Variants in TSHZ2 observed in about 807,000 individuals in gnomAD.
TSHZ2 encodes the protein teashirt zinc finger homeobox 2.
In TSHZ2, 21 loss-of-function variants were observed where a neutral mutation model predicts 74.4. That is an observed-to-expected ratio of 0.28 (90% CI 0.20 to 0.41). TSHZ2 has a LOEUF of 0.41. Ranked by LOEUF, TSHZ2 falls within the 10% of genes least tolerant of loss-of-function variation. The probability of loss-of-function intolerance (pLI) is 1.00; values close to 1 mark genes in which losing one functional copy is unlikely to be tolerated. For synonymous variants in TSHZ2, 540 were observed against 515.3 expected (o/e 1.05, Z -0.65); for missense variants, 1,244 against 1,293.5 (o/e 0.96, Z 0.59).
intron 1 of TSHZ2, among the ~76,000 whole-genome samples, chr20:53,221,017 G>A (rs1460622712): frequency 3.3e-5 from 5 of 152,150 alleles, no homozygotes; most frequent in South Asian, 2.1e-4. Flanking sequence ...TAATTCCCAC[G>A]TGTTGTGGGA....
At chr20:53,259,323 G>C (rs1015427904) in intron 2 of TSHZ2, among the ~76,000 whole-genome samples, 1 of 152,170 alleles carries the variant, frequency 6.6e-6, no homozygotes, top group Non-Finnish European at 1.5e-5. Context: ...TCCTTTACCA[G>C]ATATATCTTA....
intron 1 of TSHZ2, among the ~76,000 whole-genome samples, chr20:53,175,826 T>C (rs1392243995): frequency 6.6e-6 from 1 of 152,240 alleles, no homozygotes; most frequent in Non-Finnish European, 1.5e-5. Context: ...CCCCCAACCT[T>C]TGTTGCATTC....
intron 1 of TSHZ2, among the ~76,000 whole-genome samples, chr20:53,084,598 C>CTTT (rs1555823123): frequency 6.8e-6 from 1 of 146,232 alleles, no homozygotes; most frequent in African/African-American, 2.5e-5. Context: ...ATCCTTTCCT[C>CTTT]TGTTTTTCTT....
Position 53,255,590 on chromosome 20 carries a change from A to G in TSHZ2, c.2132A>G (p.Glu711Gly), listed in dbSNP as rs1990451841. ...AACAATCACTTGGGCAAAGCCACGGAGCCCTTGCGCTCACCTTCCTGCTCC... is the reference window on the plus strand; with the variant it reads ...AACAATCACTTGGGCAAAGCCACGGGGCCCTTGCGCTCACCTTCCTGCTCC... Reference protein sequence around the residue: ...VLNNHLGKATEPLRSPSCSSP... With the variant: ...VLNNHLGKATGPLRSPSCSSP... Residue 711 changes from glutamate (E) to glycine (G), a missense_variant, in exon 2 of 3, where the codon GAG becomes GGG. Around this residue, in one of 6 missense-constraint regions of TSHZ2, gnomAD observed 562 missense variants for 544.0 expected, o/e 1.03. Coordinates refer to ENST00000371497, the MANE Select transcript of TSHZ2 (RefSeq NM_173485.6). The surrounding 1 kb of genome is among the most constrained non-coding windows in gnomAD (Gnocchi z 4.1). 2 of 1,583,234 alleles carry G rather than the reference A, an allele frequency of 1.3e-6. No homozygotes were observed. Among genetic ancestry groups the G allele is most frequent in the East Asian group, 2.2e-5 (1 of 44,636 alleles).
At chr20:53,062,024 T>TA (rs980661076) in intron 1 of TSHZ2, among the ~76,000 whole-genome samples, 8 of 152,256 alleles carry the variant, frequency 5.3e-5, no homozygotes, top group African/African-American at 1.7e-4. Context: ...AGGCTTTCTT[T>TA]AAAAAAAGTA....
intron 1 of TSHZ2, among the ~76,000 whole-genome samples, chr20:53,149,351 G>A (rs985279528): frequency 6.6e-6 from 1 of 152,036 alleles, no homozygotes; most frequent in Non-Finnish European, 1.5e-5. Flanking sequence ...CTCAGTGTCT[G>A]CCAGATCATT....
At chr20:53,065,940 T>TG (rs564393414) in intron 1 of TSHZ2, among the ~76,000 whole-genome samples, 1 of 152,220 alleles carries the variant, frequency 6.6e-6, no homozygotes, top group Non-Finnish European at 1.5e-5. Context: ...TCCAAGAATC[T>TG]GGGGGTCATA....
chr20:53,222,193 C>T (rs1989580074), intron 1 of TSHZ2, among the ~76,000 whole-genome samples: 2 of 152,180 alleles, frequency 1.3e-5, no homozygotes, highest in Non-Finnish European at 2.9e-5. Flanking sequence ...CTCTACCCCT[C>T]CTCCCCACAA....
At chr20:53,210,113 G>T (rs999833165) in intron 1 of TSHZ2, among the ~76,000 whole-genome samples, 2 of 152,238 alleles carry the variant, frequency 1.3e-5, no homozygotes, top group African/African-American at 4.8e-5. Context: ...TTGCCTGTTG[G>T]GTCGTTGCCA....
At chr20:53,147,348 A>G (rs576124073) in intron 1 of TSHZ2, among the ~76,000 whole-genome samples, 2 of 152,288 alleles carry the variant, frequency 1.3e-5, no homozygotes, top group Admixed American at 1.3e-4. Flanking sequence ...TGTCTTTAAT[A>G]TCTCTGTATA....
chr20:53,186,161 T>C (rs2082414694), intron 1 of TSHZ2, among the ~76,000 whole-genome samples: 2 of 152,244 alleles, frequency 1.3e-5, no homozygotes, highest in Non-Finnish European at 1.5e-5. Flanking sequence ...GCTTGTGTTG[T>C]CCAGCTGTTG....
At position 53,127,377 on chromosome 20, in the gene TSHZ2, A is replaced by G. The variant is rs138165586; in HGVS notation, c.41-126122A>G. Reference sequence around the variant, plus strand: ...GTATTATAAAGAAAACAAACAAAAAATAAAAACATTGTAACAAGGGAGAGG... The same window carrying G: ...GTATTATAAAGAAAACAAACAAAAAGTAAAAACATTGTAACAAGGGAGAGG... On this transcript the variant is annotated intron_variant, in intron 1 of 2. Coordinates refer to ENST00000371497, the MANE Select transcript of TSHZ2 (RefSeq NM_173485.6). Among the ~76,000 whole-genome samples, 510 of 152,372 alleles carry G rather than the reference A, an allele frequency of 3.3e-3. 4 individuals carry two copies. Among genetic ancestry groups the G allele is most frequent in the African/African-American group, 0.011 (476 of 41,592 alleles).
intron 1 of TSHZ2, among the ~76,000 whole-genome samples, chr20:53,175,620 C>T (rs1202418896): frequency 6.6e-6 from 1 of 152,202 alleles, no homozygotes; most frequent in Non-Finnish European, 1.5e-5. Flanking sequence ...TCAGTCTTCT[C>T]ATCTGTCTCC....
At chr20:53,103,231 CAT>C (rs1986269006) in intron 1 of TSHZ2, among the ~76,000 whole-genome samples, 1 of 152,092 alleles carries the variant, frequency 6.6e-6, no homozygotes, top group East Asian at 1.9e-4. Context: ...ATTGAAAAAA[CAT>C]AATCTTTTGT....
intron 1 of TSHZ2, among the ~76,000 whole-genome samples, chr20:53,031,045 G>A (rs1047183541): frequency 6.6e-6 from 1 of 152,028 alleles, no homozygotes; most frequent in Non-Finnish European, 1.5e-5. Context: ...ACAACACTGA[G>A]ATGAACATCC....
chr20:53,353,272 G>A (rs1224677213), intron 2 of TSHZ2, among the ~76,000 whole-genome samples: 4 of 152,036 alleles, frequency 2.6e-5, no homozygotes, highest in African/African-American at 7.2e-5. Context: ...GAGTGTGAGC[G>A]GGTTGCTGAT....
intron 1 of TSHZ2, among the ~76,000 whole-genome samples, chr20:53,252,307 T>C (rs1421708431): frequency 1.3e-5 from 2 of 152,206 alleles, no homozygotes; most frequent in Non-Finnish European, 2.9e-5. Flanking sequence ...TAACAGAGCC[T>C]GCTCTAAGGT....
intron 1 of TSHZ2, among the ~76,000 whole-genome samples, chr20:53,050,103 G>A (rs59413742): frequency 0.18 from 20,873 of 115,866 alleles, 3,646 homozygotes; most frequent in African/African-American, 0.48. Context: ...GTATATGTGT[G>A]TATATATATA....
intron 1 of TSHZ2, among the ~76,000 whole-genome samples, chr20:52,997,624 G>A (rs1357432269): frequency 6.6e-6 from 1 of 152,054 alleles, no homozygotes; most frequent in African/African-American, 2.4e-5. Flanking sequence ...ACCCTCTAGA[G>A]TTTCTGAATG....
Sources: gnomAD v4.1 joint callset for allele counts (sites outside exome capture counted in the v4.1 genomes callset) on GRCh38, gnomAD v4.1.1 for gene constraint, gnomAD v4.1.1 regional missense constraint, Gnocchi (gnomAD v3.1) non-coding constraint, MANE v1.5 for transcripts, NCBI Gene and HGNC (gene_info 2026-07-23, HGNC 2026-07-21) for gene names.